DUSP22: variants seen among roughly 807,000 people sequenced by gnomAD.
DUSP22 encodes dual specificity phosphatase 22.
A neutral mutation model predicts 24.5 loss-of-function variants in DUSP22; 24 were observed. That is an observed-to-expected ratio of 0.98 (90% confidence interval 0.71 to 1.38). The LOEUF (loss-of-function observed/expected upper bound fraction) is 1.38, where lower values mean the gene tolerates loss of function less well. DUSP22 is among the 40% of genes most tolerant of loss of function. The pLI, the probability that DUSP22 is intolerant of heterozygous loss-of-function variation, is 0.00. For missense variants in DUSP22, 330 were observed against 269.2 expected, an observed-to-expected ratio of 1.23 and a Z score of -1.58; for synonymous variants, 160 against 106.4, an observed-to-expected ratio of 1.50 and a Z score of -3.10.
intron 4 of DUSP22, among the ~76,000 whole-genome samples, chr6:339,318 A>G (rs1759493649): frequency 6.6e-6 from 1 of 152,310 alleles, no homozygotes; most frequent in African/African-American, 2.4e-5. Flanking sequence ...TGCCTATCTC[A>G]CAGGGTTTTT....
intron 1 of DUSP22, among the ~76,000 whole-genome samples, chr6:293,816 T>TTTTTTTG (rs1757203600): frequency 6.6e-6 from 1 of 152,130 alleles, no homozygotes; most frequent in Non-Finnish European, 1.5e-5. Context: ...TTTTTTTTTT[T>TTTTTTTG]TTGGCGAGTG....
chr6:328,947 G>C (rs1264087947), intron 3 of DUSP22, among the ~76,000 whole-genome samples: 1 of 152,308 alleles, frequency 6.6e-6, no homozygotes, highest in Non-Finnish European at 1.5e-5. Flanking sequence ...TTCGAATTCT[G>C]CTTTTTCCCT....
intron 2 of DUSP22, among the ~76,000 whole-genome samples, chr6:309,935 C>A (rs1402357212): frequency 6.6e-6 from 1 of 152,292 alleles, no homozygotes; most frequent in African/African-American, 2.4e-5. Context: ...AAACATTTGC[C>A]TTTCTTTGTT....
At chr6:328,469 C>A (rs562608532) in intron 3 of DUSP22, among the ~76,000 whole-genome samples, 319 of 152,302 alleles carry the variant, frequency 2.1e-3, no homozygotes, top group South Asian at 4.8e-3. Context: ...AAATGCATGT[C>A]GGTTTTTGAC....
chr6:313,493 G>A (rs1231412942), intron 3 of DUSP22, among the ~76,000 whole-genome samples: 1 of 152,294 alleles, frequency 6.6e-6, no homozygotes, highest in Non-Finnish European at 1.5e-5. Context: ...CAGAGCTGTG[G>A]GCAAACTGTG....
intron 3 of DUSP22, chr6:320,127 C>G (rs993463755): frequency 6.6e-6 from 1 of 152,600 alleles, no homozygotes; most frequent in East Asian, 1.9e-4. Context: ...TTAACTGAGT[C>G]TAGGGAGGAC....
rs1003804981 is a variant in DUSP22 at position 350,802 on chromosome 6, G to C, written c.*1851G>C. 2 of 1,614,120 alleles carry C rather than the reference G, an allele frequency of 1.2e-6. No individual in the cohort carries two copies. Among genetic ancestry groups the C allele is most frequent in the Non-Finnish European group, 1.7e-6 (2 of 1,180,020 alleles). On this transcript the variant is annotated 3_prime_UTR_variant, in exon 7 of 7. Transcript: ENST00000419235. ...AATGTTGTTTTAATATTTGTTGCCA[G>C]TAATGTTCTTTCTTCACAGCCGCTC...
At chr6:331,574 A>T (rs1415126065) in intron 3 of DUSP22, among the ~76,000 whole-genome samples, 1 of 152,308 alleles carries the variant, frequency 6.6e-6, no homozygotes, top group Non-Finnish European at 1.5e-5. Context: ...ATTCCACATC[A>T]CATTAAAACA....
chr6:340,430 G>C (rs1438954668), intron 4 of DUSP22, among the ~76,000 whole-genome samples: 1 of 152,304 alleles, frequency 6.6e-6, no homozygotes, highest in Non-Finnish European at 1.5e-5. Context: ...ACAGATTTCT[G>C]CCCGAAGAGG....
rs1757141872 is a variant in DUSP22 at position 292,653 on chromosome 6, T to A, written c.21+93T>A. ...GCTGCCCGACGACTCGAGCCCGGGG[T>A]GCCCTTTCCCGCGGTGGGGACGGGC... On this transcript the variant is annotated intron_variant, in intron 1 of 6. Transcript: ENST00000419235. The A allele has an allele frequency of 6.7e-6, 10 of 1,496,750 alleles. No homozygotes were observed. The East Asian group carries it at 2.1e-4, about 32-fold the overall frequency. The allele number at this position is 1,496,750 out of a possible 1,614,324, so 92.7% of individuals were successfully genotyped here. A position where few individuals can be genotyped will look rare whatever the true frequency, so the allele number is the denominator to read the frequency against.
At chr6:301,874 A>C (rs1757595507) in intron 1 of DUSP22, among the ~76,000 whole-genome samples, 1 of 152,308 alleles carries the variant, frequency 6.6e-6, no homozygotes, top group Admixed American at 6.5e-5. Context: ...TGGTTCTACA[A>C]CATTAGAATG....
At chr6:319,770 AGTT>A (rs1367832120) in intron 3 of DUSP22, among the ~76,000 whole-genome samples, 3 of 152,426 alleles carry the variant, frequency 2.0e-5, no homozygotes, top group Non-Finnish European at 4.4e-5. Flanking sequence ...AGCACACCTC[AGTT>A]GTTTTCATCT....
chr6:317,065 A>G (rs902056949), intron 3 of DUSP22, among the ~76,000 whole-genome samples: 2 of 152,308 alleles, frequency 1.3e-5, no homozygotes, highest in Non-Finnish European at 2.9e-5. Flanking sequence ...CATTGAAGAC[A>G]TTTTTTGAAG....
chr6:332,646 T>TC (rs1421595575), intron 3 of DUSP22, among the ~76,000 whole-genome samples: 2 of 152,028 alleles, frequency 1.3e-5, no homozygotes, highest in African/African-American at 2.4e-5. Flanking sequence ...CTGTCCTTCT[T>TC]TTTTTTTTTT....
Position 327,781 on chromosome 6 carries a change from A to G in DUSP22, c.139-7333A>G, listed in dbSNP as rs1252417810. 2.6e-5 allele frequency among the ~76,000 whole-genome samples: 4 copies of G among 152,300 alleles called. No individual in the cohort carries two copies. The South Asian group carries it at 8.3e-4, about 32-fold the overall frequency. ...AAGAGCCACGCAGAAAGCCTATTCC[A>G]GAGAGAGAAAACCACAGGGACTTGG... On this transcript the variant is annotated intron_variant, in intron 3 of 6. Transcript: ENST00000419235.
chr6:329,830 G>T (rs1278061482), intron 3 of DUSP22, among the ~76,000 whole-genome samples: 1 of 152,278 alleles, frequency 6.6e-6, no homozygotes, highest in Admixed American at 6.5e-5. Flanking sequence ...GTCTTCTGCT[G>T]TGTGTGTTTC....
At chr6:344,061 G>A (rs1314304960) in intron 4 of DUSP22, among the ~76,000 whole-genome samples, 2 of 152,302 alleles carry the variant, frequency 1.3e-5, no homozygotes, top group African/African-American at 2.4e-5. Flanking sequence ...CCAGAATGAG[G>A]TCTGAGTGGC....
intron 3 of DUSP22, chr6:325,947 C>G (rs1758847283): frequency 4.9e-6 from 1 of 203,048 alleles, no homozygotes; most frequent in Non-Finnish European, 9.3e-6. Context: ...GGAGAGTCAT[C>G]TGCGCTGGGC....
intron 3 of DUSP22, among the ~76,000 whole-genome samples, chr6:332,325 C>T (rs1377794127): frequency 6.6e-6 from 1 of 152,308 alleles, no homozygotes; most frequent in African/African-American, 2.4e-5. Flanking sequence ...GAGGCTGCAG[C>T]TCCACACGCC....
Sources: allele counts gnomAD v4.1 joint callset (sites outside exome capture counted in the v4.1 genomes callset), GRCh38; gene constraint gnomAD v4.1.1; transcripts MANE v1.5; gene names NCBI Gene and HGNC (gene_info 2026-07-23, HGNC 2026-07-21).